The following ALDH1L2 variants were observed in gnomAD, a reference collection of about 807,000 sequenced individuals.
ALDH1L2 encodes the protein mitochondrial 10-formyltetrahydrofolate dehydrogenase.
In ALDH1L2, 91 loss-of-function variants were observed where a neutral mutation model predicts 111.0. The observed-to-expected ratio is 0.82, with a 90% confidence interval of 0.69 to 0.98. The LOEUF is 0.98. Among genes scored for constraint, ALDH1L2 ranks in the 50% least tolerant of loss-of-function variants. The pLI is 0.00. For synonymous variants in ALDH1L2, 374 were observed against 392.6 expected, an observed-to-expected ratio of 0.95 and a Z score of 0.56; for missense variants, 995 against 1,126.8, an observed-to-expected ratio of 0.88 and a Z score of 1.67.
Position 105,046,946 on chromosome 12 carries a change from C to T in ALDH1L2, c.1710G>A (p.Gln570=). 6.2e-7 allele frequency: 1 copy of T among 1,614,032 alleles called. No individual in the cohort carries two copies. The highest frequency in any genetic ancestry group is 8.5e-7 in the Non-Finnish European group (1 of 1,179,976). ...AGGTCAGATTGCGATTTGGACGGGC[C>T]TGGTTGATTGGAATAGTAGAACCCT... ...KIQGSTIPIN[Q]ARPNRNLTFT... The change falls in exon 14 of 23, where the codon CAG becomes CAA. Residue 570 remains glutamine (Q), a synonymous_variant. Coordinates refer to ENST00000258494, the MANE Select transcript of ALDH1L2 (RefSeq NM_001034173.4).
At chr12:105,032,335 G>A (rs34337968) in intron 19 of ALDH1L2, among the ~76,000 whole-genome samples, 33,572 of 151,668 alleles carry the variant, frequency 0.22, 4,623 homozygotes, top group South Asian at 0.46. Flanking sequence ...CTGCCACTGC[G>A]TCCGGCTATT....
intron 5 of ALDH1L2, among the ~76,000 whole-genome samples, chr12:105,065,732 G>A (rs571386709): frequency 2.7e-5 from 4 of 149,214 alleles, no homozygotes; most frequent in Non-Finnish European, 5.9e-5. Context: ...TGTCTAGTTT[G>A]TTTGTGTCTG....
intron 6 of ALDH1L2, among the ~76,000 whole-genome samples, chr12:105,064,224 C>T (rs1237285548): frequency 2.7e-5 from 4 of 146,984 alleles, no homozygotes; most frequent in African/African-American, 1.0e-4. Flanking sequence ...CTGGGTAATC[C>T]TCCCACCTCG....
intron 1 of ALDH1L2, among the ~76,000 whole-genome samples, chr12:105,082,581 C>T (rs927585470): frequency 3.3e-5 from 5 of 152,082 alleles, no homozygotes; most frequent in South Asian, 2.1e-4. Flanking sequence ...ATGGATATAC[C>T]ACAGCTTGTT....
At chr12:105,074,099 C>T (rs1402821605) in intron 1 of ALDH1L2, 94 bp from the exon 2 acceptor site, 1 of 1,491,280 alleles carries the variant, frequency 6.7e-7, no homozygotes, top group African/African-American at 1.4e-5. Flanking sequence ...GTACGATGTT[C>T]ACTCTTTGGG....
chr12:105,053,851 T>C (rs1876446917), intron 10 of ALDH1L2, among the ~76,000 whole-genome samples: 1 of 125,200 alleles, frequency 8.0e-6, no homozygotes, highest in Non-Finnish European at 1.9e-5. Flanking sequence ...CATTATTATA[T>C]ATTATTATTA....
At chr12:105,039,654 CA>C in intron 17 of ALDH1L2, 58 bp downstream of exon 17, 1 of 1,501,412 alleles carries the variant, frequency 6.7e-7, no homozygotes, top group Non-Finnish European at 9.2e-7. Flanking sequence ...CCTGTTTAAA[CA>C]AAAATTGAAA....
chr12:105,034,851 G>C (rs924137642), intron 18 of ALDH1L2, among the ~76,000 whole-genome samples: 1 of 152,094 alleles, frequency 6.6e-6, no homozygotes, highest in Non-Finnish European at 1.5e-5. Flanking sequence ...GGGCATGGTG[G>C]CAGGTGCCTG....
intron 18 of ALDH1L2, among the ~76,000 whole-genome samples, chr12:105,036,030 C>A (rs1356451303): frequency 2.5e-5 from 2 of 80,842 alleles, no homozygotes; most frequent in African/African-American, 1.3e-4. Flanking sequence ...TATATATATA[C>A]GTATATTTAT....
intron 13 of ALDH1L2, among the ~76,000 whole-genome samples, chr12:105,048,955 C>G (rs1342664362): frequency 8.1e-6 from 1 of 122,994 alleles, no homozygotes; most frequent in African/African-American, 3.2e-5. Context: ...TGCTTGAACC[C>G]AGGAGGCGAG....
chr12:105,052,541 T>C (rs548166342), intron 11 of ALDH1L2, among the ~76,000 whole-genome samples: 1 of 152,328 alleles, frequency 6.6e-6, no homozygotes, highest in African/African-American at 2.4e-5. Flanking sequence ...TTTTCACATA[T>C]ATCTCTATGC....
chr12:105,053,636 G>A (rs962211757), intron 10 of ALDH1L2, among the ~76,000 whole-genome samples: 1 of 152,112 alleles, frequency 6.6e-6, no homozygotes, highest in Non-Finnish European at 1.5e-5. Context: ...TAGCAAGAAG[G>A]TCTCTTGCCT....
At chr12:105,048,307 C>G (rs1876040226) in intron 13 of ALDH1L2, 1 of 152,132 alleles carries the variant, frequency 6.6e-6, no homozygotes, top group Non-Finnish European at 1.5e-5. Context: ...CTGATAAGGG[C>G]CAGAGCTGAG....
Position 105,044,887 on chromosome 12 carries a change from A to AT in ALDH1L2, c.1863+1822dup, listed in dbSNP as rs572025251. The stretch of plus-strand genomic sequence containing the variant: ...ATGGAAACTGCTAAAAAAAGTTAGA[A>AT]TTTTTTTTTTTGCTAAGTATATAGA... On this transcript the variant is annotated intron_variant, in intron 15 of 22. Coordinates refer to ENST00000258494, the MANE Select transcript of ALDH1L2 (RefSeq NM_001034173.4). Among the ~76,000 whole-genome samples the AT allele has an allele frequency of 3.3e-3, 489 of 148,274 alleles. 2 individuals carry two copies. The highest frequency in any genetic ancestry group is 9.0e-3 in the African/African-American group (364 of 40,528).
chr12:105,063,692 C>T (rs1478095300), intron 6 of ALDH1L2, among the ~76,000 whole-genome samples: 2 of 151,646 alleles, frequency 1.3e-5, no homozygotes, highest in African/African-American at 4.8e-5. Flanking sequence ...TGGGGGTGGG[C>T]GTCAATGATG....
intron 7 of ALDH1L2, 29 bp from the exon 8 acceptor site, chr12:105,061,781 A>G: frequency 6.2e-7 from 1 of 1,613,588 alleles, no homozygotes; most frequent in Non-Finnish European, 8.5e-7. Flanking sequence ...ACAAGCATAA[A>G]AATTGAGGAT....
chr12:105,077,134 G>T (rs768750865), intron 1 of ALDH1L2, among the ~76,000 whole-genome samples: 22 of 152,238 alleles, frequency 1.4e-4, no homozygotes, highest in Non-Finnish European at 3.2e-4. Flanking sequence ...CACAGTGGAA[G>T]TGACGTGGGA....
chr12:105,081,745 A>T (rs1878344944), intron 1 of ALDH1L2, among the ~76,000 whole-genome samples: 1 of 152,252 alleles, frequency 6.6e-6, no homozygotes, highest in Non-Finnish European at 1.5e-5. Context: ...TTTATTTAAG[A>T]CAGAGGATGG....
Position 105,046,884 on chromosome 12 carries a change from C to T in ALDH1L2, c.1757+15G>A, listed in dbSNP as rs371060628. 55 of 1,613,812 alleles carry T rather than the reference C, an allele frequency of 3.4e-5. No individual in the cohort carries two copies. The highest frequency in any genetic ancestry group is 3.3e-4 in the Middle Eastern group (2 of 6,084). ...ACAACTCATGATTCACTCAGAGGCA[C>T]TCTCCTTATCTTACCCGAGTGGCTC... On this transcript the variant is annotated intron_variant, in intron 14 of 22. Coordinates refer to ENST00000258494, the MANE Select transcript of ALDH1L2 (RefSeq NM_001034173.4).
Sources: allele counts gnomAD v4.1 joint callset (sites outside exome capture counted in the v4.1 genomes callset), GRCh38; gene constraint gnomAD v4.1.1; transcripts MANE v1.5; gene names NCBI Gene and HGNC (gene_info 2026-07-23, HGNC 2026-07-21).